The following PCDHA9 variants were observed in gnomAD, a reference collection of about 807,000 sequenced individuals.
The protein encoded by PCDHA9 is protocadherin alpha 9, also known as protocadherin alpha-9.
Under a neutral mutation model 62.0 loss-of-function variants are expected in PCDHA9, and 62 were observed. The observed-to-expected ratio is 1.00, with a 90% CI of 0.81 to 1.23. PCDHA9 has a LOEUF of 1.23. Ranked by LOEUF, PCDHA9 falls within the 50% of genes most tolerant of loss-of-function variation. PCDHA9 has a pLI of 0.00. For synonymous variants in PCDHA9, 557 were observed against 567.6 expected (o/e 0.98, Z 0.27); for missense variants, 1,205 against 1,249.8 (o/e 0.96, Z 0.54).
chr5:140,917,741 C>G (rs2078335946), intron 1 of PCDHA9, among the ~76,000 whole-genome samples: 1 of 152,048 alleles, frequency 6.6e-6, no homozygotes, highest in Non-Finnish European at 1.5e-5. Flanking sequence ...CTAACCTGTC[C>G]CATTGGTCTA....
chr5:140,962,708 A>G (rs982426662), intron 1 of PCDHA9, among the ~76,000 whole-genome samples: 1 of 152,240 alleles, frequency 6.6e-6, no homozygotes, highest in African/African-American at 2.4e-5. Context: ...CTATAATCAT[A>G]TTGGAAAGTA....
At chr5:140,877,488 C>T (rs781785108) in intron 1 of PCDHA9, 9 of 1,613,736 alleles carry the variant, frequency 5.6e-6, no homozygotes, top group Admixed American at 5.0e-5. Flanking sequence ...TGGTGGAGAA[C>T]GGCCAGGCCC....
chr5:140,957,281 T>A (rs1317654133), intron 1 of PCDHA9, among the ~76,000 whole-genome samples: 3 of 152,178 alleles, frequency 2.0e-5, no homozygotes, highest in Non-Finnish European at 2.9e-5. Flanking sequence ...CCCCCTTACC[T>A]GCAGTTTCAC....
intron 1 of PCDHA9, chr5:140,929,155 C>G: frequency 6.2e-7 from 1 of 1,614,156 alleles, no homozygotes; most frequent in Non-Finnish European, 8.5e-7. Flanking sequence ...TCAGACTTAT[C>G]TCTATCGGGC....
chr5:140,870,560 A>G, intron 1 of PCDHA9: 1 of 1,614,000 alleles, frequency 6.2e-7, no homozygotes, highest in Middle Eastern at 1.7e-4. Flanking sequence ...GCGCAGGAGA[A>G]CGCGCTGGTG....
chr5:140,858,296 C>T, intron 1 of PCDHA9: 1 of 1,597,390 alleles, frequency 6.3e-7, no homozygotes, highest in East Asian at 2.2e-5. Flanking sequence ...GTCTTACTCG[C>T]AGCAGAGGCG....
intron 1 of PCDHA9, chr5:140,869,684 T>A: frequency 6.2e-7 from 1 of 1,613,486 alleles, no homozygotes; most frequent in Non-Finnish European, 8.5e-7. Context: ...AGACTGTCAC[T>A]TATTTTAAAG....
chr5:140,979,329 C>T (rs782808442), intron 2 of PCDHA9, among the ~76,000 whole-genome samples: 3 of 152,162 alleles, frequency 2.0e-5, no homozygotes, highest in Non-Finnish European at 2.9e-5. Flanking sequence ...TTCTTTTCCT[C>T]CTTTAAAAAC....
chr5:140,883,504 C>A, intron 1 of PCDHA9: 1 of 1,614,172 alleles, frequency 6.2e-7, no homozygotes, highest in Non-Finnish European at 8.5e-7. Context: ...TGGACAGCGC[C>A]CTGGACCGCG....
rs73793550 is a variant in PCDHA9 at position 140,989,564 on chromosome 5, C to T, written c.2542+7001C>T. On this transcript the variant is annotated intron_variant, in intron 3 of 3. Transcript: ENST00000532602. ...GTAATTCCTTTACGTTTTGTGGCTC[C>T]GGCAAGCCCTGTCCTCAGCCTCACT... is the stretch of plus-strand genomic sequence containing the variant. Among the ~76,000 whole-genome samples the T allele has an allele frequency of 6.0e-3, 907 of 152,216 alleles. 13 individuals carry two copies. Among genetic ancestry groups the T allele is most frequent in the African/African-American group, 0.021 (852 of 41,530 alleles).
At chr5:140,920,767 C>T (rs1484117906) in intron 1 of PCDHA9, among the ~76,000 whole-genome samples, 1 of 151,632 alleles carries the variant, frequency 6.6e-6, no homozygotes. Context: ...TTGCTTACAC[C>T]TGGGAGGTGG....
intron 1 of PCDHA9, among the ~76,000 whole-genome samples, chr5:140,906,410 A>T (rs1454575995): frequency 6.6e-6 from 1 of 152,246 alleles, no homozygotes; most frequent in Non-Finnish European, 1.5e-5. Flanking sequence ...ATATGAAGTC[A>T]ATAAATCTTA....
At chr5:140,977,096 G>A (rs1401413424) in intron 1 of PCDHA9, among the ~76,000 whole-genome samples, 1 of 152,182 alleles carries the variant, frequency 6.6e-6, no homozygotes, top group East Asian at 1.9e-4. Flanking sequence ...TGTGTCATTG[G>A]GGAAGTGAGA....
chr5:140,924,293 C>T (rs2081770008), intron 1 of PCDHA9, among the ~76,000 whole-genome samples: 1 of 152,192 alleles, frequency 6.6e-6, no homozygotes, highest in African/African-American at 2.4e-5. Context: ...AATAGGCTGA[C>T]ATGTTTCCTC....
At chr5:140,915,626 GTCTCTCTCTCTCTC>G in intron 1 of PCDHA9, among the ~76,000 whole-genome samples, 1 of 146,536 alleles carries the variant, frequency 6.8e-6, no homozygotes, top group Non-Finnish European at 1.5e-5. Flanking sequence ...GTCTCTTTCT[GTCTCTCTCTCTCTC>G]TCTCTCTCTC....
In PCDHA9 at chr5:140,922,322, GA is replaced by G. The variant is rs2080774913; in HGVS notation, c.2395-56624del. Among the ~76,000 whole-genome samples the G allele has an allele frequency of 2.0e-5, 3 of 152,302 alleles. No homozygotes were observed. The East Asian group carries it at 5.8e-4, about 29-fold the overall frequency. ...AGGATACCTTTCACTGAAGATCTTG[GA>G]AAGGGTTGGTATATTGGTATTTTCT... On this transcript the variant is annotated intron_variant, in intron 1 of 3. Transcript: ENST00000532602.
intron 1 of PCDHA9, chr5:140,966,750 C>T: frequency 7.0e-7 from 1 of 1,428,438 alleles, no homozygotes; most frequent in African/African-American, 1.5e-5. Context: ...CGGCTGCCTC[C>T]GCCGCGGCCA....
At chr5:140,984,945 C>A (rs1316955910) in intron 3 of PCDHA9, among the ~76,000 whole-genome samples, 1 of 149,212 alleles carries the variant, frequency 6.7e-6, no homozygotes, top group Non-Finnish European at 1.5e-5. Flanking sequence ...AATGTCTAAT[C>A]TTTTTTTTTT....
chr5:140,884,764 T>C (rs2060348326), intron 1 of PCDHA9: 1 of 1,417,012 alleles, frequency 7.1e-7, no homozygotes, highest in Non-Finnish European at 9.3e-7. Flanking sequence ...TATTCTTTAC[T>C]TTAATTTTAA....
Sources: gnomAD v4.1 joint callset for allele counts (sites outside exome capture counted in the v4.1 genomes callset) on GRCh38, gnomAD v4.1.1 for gene constraint, MANE v1.5 for transcripts, NCBI Gene and HGNC (gene_info 2026-07-23, HGNC 2026-07-21) for gene names.